UNC79: variants seen among roughly 807,000 people sequenced by gnomAD.
UNC79 encodes the protein protein unc-79 homolog.
A neutral mutation model predicts 283.1 loss-of-function variants in UNC79; 37 were observed. The ratio of observed to expected loss-of-function variants is 0.13; its 90% CI spans 0.10 to 0.17. UNC79 has a LOEUF of 0.17. Ranked by LOEUF, UNC79 falls within the 10% of genes least tolerant of loss-of-function variation. The pLI, the probability that UNC79 is intolerant of heterozygous loss-of-function variation, is 1.00. For missense variants in UNC79, 2,272 were observed against 3,211.1 expected (o/e 0.71, Z 7.07); for synonymous variants, 1,107 against 1,200.2 (o/e 0.92, Z 1.61).
In UNC79 at chr14:93,420,178, T is replaced by TAA. The variant is rs60757202; in HGVS notation, c.-350-47480_-350-47479dup. Among the ~76,000 whole-genome samples, 9 of 103,892 alleles carry TAA rather than the reference T, an allele frequency of 8.7e-5. No individual in the cohort carries two copies. In the South Asian group the frequency reaches 1.5e-3, roughly 18 times the overall value. 68.2% of individuals were successfully genotyped at this position (103,892 alleles called of 152,430 possible). A position where few individuals can be genotyped will look rare whatever the true frequency, so the allele number is the denominator to read the frequency against. ...AAAAGACATGGAATGGCTGAACAGATAAAAAAAAAAAAAAGACCCAATGAT... is the reference window on the plus strand; with the variant it reads ...AAAAGACATGGAATGGCTGAACAGATAAAAAAAAAAAAAAAAGACCCAATGAT... On this transcript the variant is annotated intron_variant, in intron 1 of 49. Coordinates refer to the UNC79 transcript ENST00000256339.
At chr14:93,443,895 C>T (rs980814255) in intron 1 of UNC79, among the ~76,000 whole-genome samples, 2 of 152,092 alleles carry the variant, frequency 1.3e-5, no homozygotes, top group African/African-American at 2.4e-5. Flanking sequence ...AGTTTTGGGC[C>T]ATTATGAATA....
At chr14:93,595,290 A>G (rs2064995050) in intron 23 of UNC79, among the ~76,000 whole-genome samples, 1 of 152,022 alleles carries the variant, frequency 6.6e-6, no homozygotes. Flanking sequence ...GGGTTTCGCC[A>G]TGTTGGCCAG....
At chr14:93,464,812 T>A (rs983311976) in intron 1 of UNC79, among the ~76,000 whole-genome samples, 1 of 152,184 alleles carries the variant, frequency 6.6e-6, no homozygotes, top group Non-Finnish European at 1.5e-5. Flanking sequence ...CCTGCTTTGA[T>A]GAGGCTGCTG....
At chr14:93,581,808 A>G (rs539894548) in intron 19 of UNC79, among the ~76,000 whole-genome samples, 7 of 152,230 alleles carry the variant, frequency 4.6e-5, no homozygotes, top group African/African-American at 1.7e-4. Context: ...ATCTTAATAT[A>G]GCTTTGTGAA....
intron 14 of UNC79, among the ~76,000 whole-genome samples, chr14:93,560,843 C>G (rs10141787): frequency 0.86 from 131,477 of 152,106 alleles, 56,909 homozygotes; most frequent in East Asian, 0.94. Flanking sequence ...AGGGATCCAG[C>G]TAGGGCGGCA....
At chr14:93,402,910 G>A (rs368084027) in intron 1 of UNC79, among the ~76,000 whole-genome samples, 13 of 152,200 alleles carry the variant, frequency 8.5e-5, no homozygotes, top group South Asian at 8.3e-4. Flanking sequence ...TCCTGATGAC[G>A]TGTGTCCAAG....
intron 1 of UNC79, among the ~76,000 whole-genome samples, chr14:93,415,807 T>A (rs1215506093): frequency 6.6e-6 from 1 of 150,930 alleles, no homozygotes; most frequent in African/African-American, 2.4e-5. Flanking sequence ...TTTATTTGCA[T>A]AGAGGTGTTT....
chr14:93,668,254 G>A lies in UNC79; in HGVS notation c.6637-5097G>A, dbSNP rs75289089. Among the ~76,000 whole-genome samples the A allele has an allele frequency of 8.5e-4, 129 of 152,160 alleles. 2 individuals carry two copies. The East Asian group carries it at 0.017, about 20-fold the overall frequency. Reference sequence around the variant, plus strand: ...TGATACGATTACAAATGAACCAAAGGGAATCTATAGACAGCTTTTTAGAAC... The same window carrying A: ...TGATACGATTACAAATGAACCAAAGAGAATCTATAGACAGCTTTTTAGAAC... On this transcript the variant is annotated intron_variant, in intron 40 of 48. Transcript: ENST00000555664.
At chr14:93,576,176 C>T (rs1358609949) in intron 17 of UNC79, among the ~76,000 whole-genome samples, 2 of 152,170 alleles carry the variant, frequency 1.3e-5, no homozygotes, top group Admixed American at 1.3e-4. Flanking sequence ...CATTTTACAA[C>T]TACCTAACCT....
intron 1 of UNC79, among the ~76,000 whole-genome samples, chr14:93,400,910 T>C (rs1334889896): frequency 6.6e-6 from 1 of 152,154 alleles, no homozygotes; most frequent in African/African-American, 2.4e-5. Context: ...CCTGATTAGA[T>C]GATACGGATG....
At chr14:93,373,842 G>T (rs571651723) in intron 1 of UNC79, among the ~76,000 whole-genome samples, 1 of 152,268 alleles carries the variant, frequency 6.6e-6, no homozygotes, top group African/African-American at 2.4e-5. Flanking sequence ...CAACATAGAT[G>T]CAAAAAACTG....
At chr14:93,703,060 GGT>G (rs1342930295) in intron 47 of UNC79, among the ~76,000 whole-genome samples, 1 of 152,196 alleles carries the variant, frequency 6.6e-6, no homozygotes, top group Admixed American at 6.5e-5. Flanking sequence ...GTGGGCTAAG[GGT>G]GTGAAGGCCT....
intron 5 of UNC79, among the ~76,000 whole-genome samples, chr14:93,490,754 C>A (rs1443981557): frequency 2.0e-5 from 3 of 152,164 alleles, no homozygotes; most frequent in Admixed American, 1.3e-4. Context: ...TTCCTCTTCT[C>A]TTTTTCAGCA....
chr14:93,654,067 C>G (rs2070627205), intron 37 of UNC79, 42 bp downstream of exon 40: 1 of 1,581,632 alleles, frequency 6.3e-7, no homozygotes, highest in Admixed American at 1.7e-5. Flanking sequence ...AGCCGAAACT[C>G]TAAGCCCCAG....
exon 19 of UNC79, chr14:93,580,254 C>T: frequency 6.2e-7 from 1 of 1,614,188 alleles, no homozygotes; most frequent in Non-Finnish European, 8.5e-7. Context: ...GGGGGGATCC[C>T]ACACCTGCCA....
chr14:93,602,227 C>G (rs552481882), intron 25 of UNC79, among the ~76,000 whole-genome samples: 1 of 152,106 alleles, frequency 6.6e-6, no homozygotes, highest in Non-Finnish European at 1.5e-5. Context: ...AGAATTTTTA[C>G]GGTTTCAGAT....
intron 4 of UNC79, among the ~76,000 whole-genome samples, chr14:93,478,283 C>T (rs2140361964): frequency 6.6e-6 from 1 of 152,230 alleles, no homozygotes; most frequent in Admixed American, 6.5e-5. Flanking sequence ...AAAGCTAAAG[C>T]TTCCAAGTCA....
At chr14:93,382,984 ATAT>A (rs1196784068) in intron 1 of UNC79, among the ~76,000 whole-genome samples, 1 of 152,216 alleles carries the variant, frequency 6.6e-6, no homozygotes, top group Non-Finnish European at 1.5e-5. Flanking sequence ...AATATGATAA[ATAT>A]TATAAAAGAA....
At chr14:93,553,962 T>G (rs2062025096) in intron 14 of UNC79, among the ~76,000 whole-genome samples, 1 of 152,238 alleles carries the variant, frequency 6.6e-6, no homozygotes, top group Non-Finnish European at 1.5e-5. Context: ...GTTTATTTAT[T>G]TAACCAACAT....
Sources: allele counts gnomAD v4.1 joint callset (sites outside exome capture counted in the v4.1 genomes callset), GRCh38; gene constraint gnomAD v4.1.1; transcripts MANE v1.5; gene names NCBI Gene and HGNC (gene_info 2026-07-23, HGNC 2026-07-21).